Variants in OSBPL11 observed in about 807,000 individuals in gnomAD.
OSBPL11 encodes the protein oxysterol binding protein like 11.
OSBPL11 carries 33 observed loss-of-function variants against 84.4 expected under a neutral mutation model. That is an observed-to-expected ratio of 0.39 (90% CI 0.30 to 0.52). The LOEUF (loss-of-function observed/expected upper bound fraction) is 0.52. OSBPL11 is among the 20% of genes least tolerant of loss of function. The probability of loss-of-function intolerance (pLI) is 0.72; values close to 1 mark genes in which losing one functional copy is unlikely to be tolerated. For synonymous variants in OSBPL11, 276 were observed against 310.2 expected (o/e 0.89, Z 1.16); for missense variants, 736 against 901.1 (o/e 0.82, Z 2.35).
intron 10 of OSBPL11, among the ~76,000 whole-genome samples, chr3:125,540,003 A>G (rs1475507803): frequency 6.6e-6 from 1 of 152,202 alleles, no homozygotes; most frequent in Admixed American, 6.5e-5. Flanking sequence ...ACAAAGTAGA[A>G]TTCAGGGAGT....
intron 5 of OSBPL11, among the ~76,000 whole-genome samples, chr3:125,569,331 T>C (rs531080637): frequency 3.4e-4 from 52 of 152,248 alleles, no homozygotes; most frequent in African/African-American, 1.2e-3. Context: ...GTGTCATATA[T>C]GGAACAGTCC....
intron 11 of OSBPL11, among the ~76,000 whole-genome samples, chr3:125,536,132 C>CAAAAAAAAAAAA (rs35385096): frequency 9.8e-6 from 1 of 102,502 alleles, no homozygotes. Flanking sequence ...GAGTCCATCT[C>CAAAAAAAAAAAA]AAAAAAAAAA....
intron 6 of OSBPL11, among the ~76,000 whole-genome samples, chr3:125,567,035 T>C (rs951443882): frequency 5.3e-5 from 8 of 152,160 alleles, no homozygotes; most frequent in African/African-American, 1.9e-4. Flanking sequence ...ACTCAAAAAA[T>C]AATGCCAAGG....
intron 12 of OSBPL11, among the ~76,000 whole-genome samples, chr3:125,531,229 C>T (rs62270200): frequency 1.6e-4 from 24 of 151,642 alleles, no homozygotes; most frequent in Non-Finnish European, 3.1e-4. Flanking sequence ...CCGCCCGCCT[C>T]GGCCTCCCAA....
intron 5 of OSBPL11, among the ~76,000 whole-genome samples, chr3:125,574,944 T>C (rs1936299726): frequency 6.6e-6 from 1 of 152,220 alleles, no homozygotes; most frequent in Non-Finnish European, 1.5e-5. Context: ...CCGATATATA[T>C]TAGATTCCAC....
chr3:125,584,986 C>G (rs1936484679), intron 1 of OSBPL11, among the ~76,000 whole-genome samples: 1 of 152,056 alleles, frequency 6.6e-6, no homozygotes, highest in African/African-American at 2.4e-5. Flanking sequence ...CACTATGTTG[C>G]CCAGGCTGCT....
intron 2 of OSBPL11, among the ~76,000 whole-genome samples, chr3:125,581,687 C>G (rs1431499179): frequency 8.5e-6 from 1 of 118,312 alleles, no homozygotes; most frequent in Non-Finnish European, 1.6e-5. Context: ...CAGAGTGAGA[C>G]TCCATCTCAA....
chr3:125,546,781 T>C (rs770423588), intron 10 of OSBPL11, among the ~76,000 whole-genome samples: 1 of 151,996 alleles, frequency 6.6e-6, no homozygotes, highest in Admixed American at 6.6e-5. Flanking sequence ...TCACAGCTAC[T>C]TGGGAGGCTG....
At chr3:125,566,163 G>C (rs1013815106) in intron 6 of OSBPL11, among the ~76,000 whole-genome samples, 3 of 151,978 alleles carry the variant, frequency 2.0e-5, no homozygotes, top group Non-Finnish European at 2.9e-5. Context: ...CTGCCACCAT[G>C]CCCAGCTAAT....
chr3:125,531,812 T>A (rs779245650), intron 12 of OSBPL11, 49 bp downstream of exon 12: 12 of 1,532,536 alleles, frequency 7.8e-6, no homozygotes, highest in Non-Finnish European at 1.1e-5. Context: ...TAAGCTAAAG[T>A]TCTCAGCCAA....
chr3:125,563,791 T>G lies in OSBPL11; in HGVS notation c.921A>C (p.Lys307Asn), dbSNP rs748850359. The change falls in exon 7 of 13, where the codon AAA becomes AAC. Residue 307 changes from lysine (K) to asparagine (N), a missense_variant. Lys to Asn is a moderately conservative substitution (Grantham distance 94). This residue lies in a region of OSBPL11 where 579 missense variants were observed against 717.6 expected (regional missense o/e 0.81). Transcript: ENST00000296220. Reference protein sequence around the residue: ...EPKISLSNHYKNGADQPFATD... With the variant: ...EPKISLSNHYNNGADQPFATD... ...TTGCAAAGGGCTGGTCAGCTCCATT[T>G]TTATAGTGGTTTGATAAAGATATCT... 2.5e-6 allele frequency: 4 copies of G among 1,614,194 alleles called. No individual in the cohort carries two copies. Among genetic ancestry groups the G allele is most frequent in the Non-Finnish European group, 3.4e-6 (4 of 1,180,028 alleles).
At chr3:125,548,519 A>T (rs1162673340) in intron 9 of OSBPL11, among the ~76,000 whole-genome samples, 1 of 152,100 alleles carries the variant, frequency 6.6e-6, no homozygotes, top group Admixed American at 6.6e-5. Context: ...AGCTTGTTCC[A>T]TATTAAGTGA....
In OSBPL11 at chr3:125,594,933, A is replaced by G; in HGVS notation, c.-133T>C. ...TAAATCACACGGCGGCTGGGGCGGG[A>G]CTGTCAAATGGTCCAGAAAAGGAAG... On this transcript the variant is annotated 5_prime_UTR_variant, in exon 1 of 13. Transcript: ENST00000296220. 1.0e-6 allele frequency: 1 copy of G among 966,592 alleles called. No individual in the cohort carries two copies. The highest frequency in any genetic ancestry group is 1.5e-6 in the Non-Finnish European group (1 of 662,188). The allele number at this position is 966,592 out of a possible 1,614,324, so 59.9% of individuals were successfully genotyped here.
intron 9 of OSBPL11, among the ~76,000 whole-genome samples, chr3:125,548,857 C>T (rs537893486): frequency 6.9e-4 from 104 of 151,214 alleles, no homozygotes; most frequent in Non-Finnish European, 1.1e-3. Flanking sequence ...AAGTAGCCTA[C>T]ACAAAGCAAC....
At chr3:125,588,700 G>A (rs1341370106) in intron 1 of OSBPL11, among the ~76,000 whole-genome samples, 1 of 152,166 alleles carries the variant, frequency 6.6e-6, no homozygotes, top group East Asian at 1.9e-4. Flanking sequence ...GGCTTGCTTA[G>A]CTGAGGAAAA....
At chr3:125,565,248 A>T (rs901592561) in intron 6 of OSBPL11, among the ~76,000 whole-genome samples, 3 of 152,134 alleles carry the variant, frequency 2.0e-5, no homozygotes, top group African/African-American at 7.2e-5. Context: ...AATATAAAAT[A>T]AAAAATATAT....
At chr3:125,581,695 C>CAAAA (rs1189619626) in intron 2 of OSBPL11, among the ~76,000 whole-genome samples, 6 of 63,824 alleles carry the variant, frequency 9.4e-5, no homozygotes, top group African/African-American at 2.1e-4. Context: ...GACTCCATCT[C>CAAAA]AAAAAAAAAA....
intron 1 of OSBPL11, among the ~76,000 whole-genome samples, chr3:125,589,419 T>C (rs1936565328): frequency 6.6e-6 from 1 of 151,848 alleles, no homozygotes; most frequent in Non-Finnish European, 1.5e-5. Context: ...CACAGCACAT[T>C]ATTAATAAAC....
intron 5 of OSBPL11, among the ~76,000 whole-genome samples, chr3:125,572,948 C>G (rs1188544823): frequency 6.9e-6 from 1 of 144,522 alleles, no homozygotes; most frequent in Non-Finnish European, 1.5e-5. Flanking sequence ...TACTTTAAAG[C>G]AGACTGCAAG....
Sources: gnomAD v4.1 joint callset for allele counts (sites outside exome capture counted in the v4.1 genomes callset) on GRCh38, gnomAD v4.1.1 for gene constraint, gnomAD v4.1.1 regional missense constraint, MANE v1.5 for transcripts, NCBI Gene and HGNC (gene_info 2026-07-23, HGNC 2026-07-21) for gene names.